The following SLC5A11 variants were observed in gnomAD, a reference collection of about 807,000 sequenced individuals.
SLC5A11 encodes solute carrier family 5 member 11, also known as sodium/myo-inositol cotransporter 2.
SLC5A11 carries 48 observed loss-of-function variants against 69.8 expected under a neutral mutation model. The ratio of observed to expected loss-of-function variants is 0.69; its 90% confidence interval spans 0.55 to 0.87. The LOEUF (loss-of-function observed/expected upper bound fraction) is 0.87, where lower values mean the gene tolerates loss of function less well. Among genes scored for constraint, SLC5A11 ranks in the 40% least tolerant of loss-of-function variants. The probability of loss-of-function intolerance (pLI) is 0.00; values close to 1 mark genes in which losing one functional copy is unlikely to be tolerated. For synonymous variants in SLC5A11, 319 were observed against 342.4 expected (o/e 0.93, Z 0.75); for missense variants, 784 against 866.1 (o/e 0.91, Z 1.19).
intron 8 of SLC5A11, among the ~76,000 whole-genome samples, chr16:24,889,045 C>T (rs931780241): frequency 5.9e-5 from 9 of 151,988 alleles, no homozygotes; most frequent in African/African-American, 1.7e-4. Flanking sequence ...GATGCACCCG[C>T]GTTGGCCTCC....
intron 10 of SLC5A11, among the ~76,000 whole-genome samples, chr16:24,902,532 T>C (rs2049712498): frequency 6.7e-6 from 1 of 149,202 alleles, no homozygotes; most frequent in Admixed American, 6.8e-5. Flanking sequence ...TAACAACCAA[T>C]CAGCCAATCA....
intron 10 of SLC5A11, 132 bp downstream of exon 11, chr16:24,898,241 T>G: frequency 8.4e-7 from 1 of 1,186,762 alleles, no homozygotes; most frequent in Non-Finnish European, 1.2e-6. Context: ...AGACAGAGTC[T>G]CATTCTGTCA....
intron 6 of SLC5A11, among the ~76,000 whole-genome samples, chr16:24,876,779 G>A (rs77335656): frequency 2.0e-3 from 309 of 152,266 alleles, no homozygotes; most frequent in African/African-American, 7.1e-3. Flanking sequence ...CCCTCCAGAC[G>A]GAAGCACCAG....
chr16:24,862,650 G>T, exon 3 of SLC5A11: 1 of 1,613,618 alleles, frequency 6.2e-7, no homozygotes, highest in African/African-American at 1.3e-5. Context: ...TTCCTGGCTG[G>T]AGGGGACATG....
rs375545633 is a variant in SLC5A11, at chr16:24,869,110, C to T, written c.208-791C>T. On this transcript the variant is annotated intron_variant, in intron 3 of 15. Coordinates refer to ENST00000347898, the Ensembl canonical transcript of SLC5A11. The stretch of plus-strand genomic sequence containing the variant: ...CTGAAACTCCTGACCTCAAGTGATC[C>T]GCCTGCCTCAGCCTCCCAAGGTGCT... Among the ~76,000 whole-genome samples the T allele has an allele frequency of 2.2e-4, 33 of 152,176 alleles. No individual in the cohort carries two copies. The South Asian group carries it at 5.2e-3, about 24-fold the overall frequency.
intron 5 of SLC5A11, among the ~76,000 whole-genome samples, chr16:24,874,702 C>T (rs2047555985): frequency 6.6e-6 from 1 of 152,092 alleles, no homozygotes; most frequent in East Asian, 1.9e-4. Flanking sequence ...CCCCACCACA[C>T]ACACACTGCC....
intron 15 of SLC5A11, 56 bp from the exon 17 acceptor site, chr16:24,911,272 C>T: frequency 6.4e-7 from 1 of 1,570,970 alleles, no homozygotes; most frequent in Non-Finnish European, 8.7e-7. Flanking sequence ...CCCTGTCTCA[C>T]CTCTCTGGGA....
chr16:24,872,924 G>A (rs2152307681), intron 5 of SLC5A11, among the ~76,000 whole-genome samples: 1 of 131,752 alleles, frequency 7.6e-6, no homozygotes, highest in South Asian at 3.0e-4. Context: ...GGTCACTTGA[G>A]CCTAGGAGTT....
At chr16:24,899,479 C>T (rs1023666843) in intron 10 of SLC5A11, among the ~76,000 whole-genome samples, 2 of 151,978 alleles carry the variant, frequency 1.3e-5, no homozygotes, top group African/African-American at 4.8e-5. Flanking sequence ...TCTCAGCTCA[C>T]TGCAACCTCT....
At chr16:24,866,169 G>A (rs1390811486) in intron 3 of SLC5A11, among the ~76,000 whole-genome samples, 2 of 150,088 alleles carry the variant, frequency 1.3e-5, no homozygotes, top group East Asian at 1.9e-4. Flanking sequence ...ATGGTAATAT[G>A]GCATATGTAA....
exon 10 of SLC5A11, chr16:24,897,993 T>C: frequency 6.2e-7 from 1 of 1,614,158 alleles, no homozygotes; most frequent in Non-Finnish European, 8.5e-7. Context: ...CAGCGGACTC[T>C]GGCTGCCAAG....
intron 10 of SLC5A11, among the ~76,000 whole-genome samples, chr16:24,899,050 T>C (rs1420454864): frequency 6.6e-6 from 1 of 151,136 alleles, no homozygotes; most frequent in African/African-American, 2.4e-5. Context: ...ACTCCAGGCC[T>C]CAAGCGATCC....
intron 10 of SLC5A11, 142 bp downstream of exon 11, chr16:24,898,251 A>G (rs1024670320): frequency 6.0e-6 from 7 of 1,173,634 alleles, no homozygotes; most frequent in African/African-American, 1.5e-5. Context: ...TCATTCTGTC[A>G]TTCAGGTTGG....
intron 9 of SLC5A11, among the ~76,000 whole-genome samples, chr16:24,894,097 G>C (rs910565535): frequency 6.6e-6 from 1 of 152,176 alleles, no homozygotes; most frequent in African/African-American, 2.4e-5. Context: ...ACAGATGAGA[G>C]AGCTGAGCCT....
At chr16:24,867,057 A>T (rs2046964584) in intron 3 of SLC5A11, among the ~76,000 whole-genome samples, 1 of 152,198 alleles carries the variant, frequency 6.6e-6, no homozygotes, top group Non-Finnish European at 1.5e-5. Flanking sequence ...AAAATAATTC[A>T]TCCAACAACA....
intron 10 of SLC5A11, among the ~76,000 whole-genome samples, chr16:24,899,891 TGG>T (rs968331536): frequency 6.6e-6 from 1 of 152,002 alleles, no homozygotes; most frequent in Non-Finnish European, 1.5e-5. Context: ...TTTGTAGCTA[TGG>T]GGGTCTCACT....
intron 5 of SLC5A11, among the ~76,000 whole-genome samples, chr16:24,873,265 G>T (rs1386615400): frequency 7.0e-6 from 1 of 143,800 alleles, no homozygotes; most frequent in Non-Finnish European, 1.5e-5. Context: ...AAGGAAGGAA[G>T]GAAGGAAGGA....
chr16:24,870,269 C>T (rs964016506), intron 4 of SLC5A11, among the ~76,000 whole-genome samples: 5 of 151,386 alleles, frequency 3.3e-5, no homozygotes, highest in Admixed American at 6.6e-5. Flanking sequence ...TGGCGGGCGC[C>T]GTAATCCCAG....
chr16:24,883,958 A>G (rs2048215910), intron 7 of SLC5A11, 93 bp from the exon 9 acceptor site: 23 of 1,161,086 alleles, frequency 2.0e-5, no homozygotes, highest in Non-Finnish European at 2.8e-5. Flanking sequence ...GAAATCTCCC[A>G]TCGGGTCCTG....
Sources: allele counts gnomAD v4.1 joint callset (sites outside exome capture counted in the v4.1 genomes callset), GRCh38; gene constraint gnomAD v4.1.1; transcripts MANE v1.5; gene names NCBI Gene and HGNC (gene_info 2026-07-23, HGNC 2026-07-21).